Variants in BRAF observed in about 807,000 individuals in gnomAD.
BRAF encodes B-Raf proto-oncogene, serine/threonine kinase, also known as serine/threonine-protein kinase B-raf.
BRAF carries 16 observed loss-of-function variants against 104.6 expected under a neutral mutation model. That is an observed-to-expected ratio of 0.15 (90% confidence interval 0.10 to 0.23). The LOEUF is 0.23. BRAF is among the 10% of genes least tolerant of loss of function. BRAF has a pLI of 1.00. For missense variants in BRAF, 541 were observed against 937.3 expected (o/e 0.58, Z 5.52); for synonymous variants, 310 against 341.6 (o/e 0.91, Z 1.02).
intron 1 of BRAF, among the ~76,000 whole-genome samples, chr7:140,890,987 T>C (rs2129116437): frequency 6.6e-6 from 1 of 152,354 alleles, no homozygotes; most frequent in African/African-American, 2.4e-5. Context: ...CATGCACTTT[T>C]TAAAAGACTA....
In BRAF at chr7:140,790,691, A is replaced by G. The variant is rs1307724157; in HGVS notation, c.1141-3107T>C. Among the ~76,000 whole-genome samples, 3 of 152,238 alleles carry G rather than the reference A, an allele frequency of 2.0e-5. No individual in the cohort carries two copies. In the East Asian group the frequency reaches 5.8e-4, roughly 29 times the overall value. ...TAATTCTTCACAGTCTCTGAGAGAC[A>G]TAATTTCCAAGCTCAAGGAATTTTA... On this transcript the variant is annotated intron_variant, in intron 8 of 19. Coordinates refer to ENST00000644969, the MANE Select transcript of BRAF (RefSeq NM_001374258.1).
At chr7:140,847,236 C>T (rs1026221087) in intron 2 of BRAF, among the ~76,000 whole-genome samples, 1 of 151,876 alleles carries the variant, frequency 6.6e-6, no homozygotes, top group Admixed American at 6.6e-5. Context: ...TATCCATCCC[C>T]TCATTAAAAT....
chr7:140,791,066 A>C (rs1801908374), intron 8 of BRAF, among the ~76,000 whole-genome samples: 1 of 152,134 alleles, frequency 6.6e-6, no homozygotes, highest in Non-Finnish European at 1.5e-5. Flanking sequence ...ACACCACTGC[A>C]CTCCAGCCTG....
intron 14 of BRAF, among the ~76,000 whole-genome samples, chr7:140,774,872 AATCT>A (rs1800183325): frequency 6.6e-6 from 1 of 152,166 alleles, no homozygotes; most frequent in Non-Finnish European, 1.5e-5. Context: ...CTGAAAGGTA[AATCT>A]ATCAATAATA....
At chr7:140,831,545 T>G (rs184393253) in intron 3 of BRAF, among the ~76,000 whole-genome samples, 1 of 152,174 alleles carries the variant, frequency 6.6e-6, no homozygotes, top group African/African-American at 2.4e-5. Context: ...ATTTGTTCCA[T>G]ATATACAGAA....
At chr7:140,819,672 A>G (rs758644974) in intron 3 of BRAF, among the ~76,000 whole-genome samples, 6 of 152,232 alleles carry the variant, frequency 3.9e-5, no homozygotes, top group Non-Finnish European at 1.5e-5. Flanking sequence ...TGAAGGACTG[A>G]CACAGGGTAC....
chr7:140,910,704 CTGCTCTGTCACCCAGGCAGGAG>C (rs1816870221), intron 1 of BRAF, among the ~76,000 whole-genome samples: 1 of 152,052 alleles, frequency 6.6e-6, no homozygotes, highest in Non-Finnish European at 1.5e-5. Context: ...AGGGTGACTC[CTGCTCTGTCACCCAGGCAGGAG>C]TGCAGTGGTG....
At chr7:140,923,609 C>G (rs1818502587) in intron 1 of BRAF, among the ~76,000 whole-genome samples, 1 of 152,102 alleles carries the variant, frequency 6.6e-6, no homozygotes, top group African/African-American at 2.4e-5. Context: ...GGACGACTAG[C>G]CAAAAAGTGC....
chr7:140,785,395 G>A (rs1427114175), intron 10 of BRAF, among the ~76,000 whole-genome samples: 1 of 152,080 alleles, frequency 6.6e-6, no homozygotes, highest in East Asian at 1.9e-4. Flanking sequence ...CACCCACTAA[G>A]TTTAAGAAAT....
chr7:140,816,185 G>A (rs1804865562), intron 3 of BRAF, among the ~76,000 whole-genome samples: 2 of 152,130 alleles, frequency 1.3e-5, no homozygotes, highest in African/African-American at 4.8e-5. Context: ...ACCTCATCAA[G>A]TTGCTATGAA....
At chr7:140,731,137 T>A (rs1003938393) in intron 19 of BRAF, 2 of 152,330 alleles carry the variant, frequency 1.3e-5, no homozygotes, top group Non-Finnish European at 2.9e-5. Flanking sequence ...CACGTCAGCC[T>A]CCCGAGTGGC....
At chr7:140,868,812 A>C (rs1007115150) in intron 1 of BRAF, among the ~76,000 whole-genome samples, 1 of 152,236 alleles carries the variant, frequency 6.6e-6, no homozygotes, top group African/African-American at 2.4e-5. Context: ...TATACTGGAA[A>C]TGAACTATAG....
intron 1 of BRAF, among the ~76,000 whole-genome samples, chr7:140,873,865 GA>G (rs747452340): frequency 6.6e-6 from 1 of 152,110 alleles, no homozygotes; most frequent in Non-Finnish European, 1.5e-5. Context: ...CACAAAGAAA[GA>G]ATAGAAACCT....
intron 8 of BRAF, 115 bp downstream of exon 8, chr7:140,794,193 A>C (rs1335909681): frequency 1.5e-6 from 2 of 1,294,662 alleles, no homozygotes; most frequent in African/African-American, 3.0e-5. Context: ...TATCACTTAA[A>C]ATAACTGTGA....
At chr7:140,759,455 T>C (rs1798483458) in intron 14 of BRAF, among the ~76,000 whole-genome samples, 1 of 152,204 alleles carries the variant, frequency 6.6e-6, no homozygotes, top group Non-Finnish European at 1.5e-5. Flanking sequence ...GGCACGATTT[T>C]GGCTCACTGC....
At position 140,724,466 on chromosome 7, in the gene BRAF, T is replaced by C. The variant is rs1438816310; in HGVS notation, c.*2028A>G. 2 of 1,053,954 alleles carry C rather than the reference T, an allele frequency of 1.9e-6. No homozygotes were observed. Among genetic ancestry groups the C allele is most frequent in the Non-Finnish European group, 1.1e-6 (1 of 872,330 alleles). 65.3% of individuals were successfully genotyped at this position (1,053,954 alleles called of 1,614,324 possible). A position where few individuals can be genotyped will look rare whatever the true frequency, so the allele number is the denominator to read the frequency against. On this transcript the variant is annotated 3_prime_UTR_variant, in exon 20 of 20. Transcript: ENST00000644969. ...AATCAGCGTGAATTATTTCCACCTT[T>C]GCAATTTCTGAATTTTGTAAGACAC...
At chr7:140,923,500 AAAGG>A (rs1818474645) in intron 1 of BRAF, among the ~76,000 whole-genome samples, 1 of 152,234 alleles carries the variant, frequency 6.6e-6, no homozygotes, top group Non-Finnish European at 1.5e-5. Flanking sequence ...TGGAGAGGAA[AAAGG>A]AAAAGGAAAA....
chr7:140,838,612 T>G (rs1807600911), intron 2 of BRAF, among the ~76,000 whole-genome samples: 2 of 152,192 alleles, frequency 1.3e-5, no homozygotes, highest in Non-Finnish European at 1.5e-5. Context: ...CAAGCTGATC[T>G]TAAAATTCAT....
chr7:140,791,333 T>G (rs973148161), intron 8 of BRAF, among the ~76,000 whole-genome samples: 1 of 152,182 alleles, frequency 6.6e-6, no homozygotes, highest in African/African-American at 2.4e-5. Flanking sequence ...TCAGTCTTTA[T>G]CTCATTTGAA....
Sources: gnomAD v4.1 joint callset for allele counts (sites outside exome capture counted in the v4.1 genomes callset) on GRCh38, gnomAD v4.1.1 for gene constraint, MANE v1.5 for transcripts, NCBI Gene and HGNC (gene_info 2026-07-23, HGNC 2026-07-21) for gene names.